PGM2L1: variants seen among roughly 807,000 people sequenced by gnomAD.
The protein encoded by PGM2L1 is glucose 1,6-bisphosphate synthase.
In PGM2L1, 35 loss-of-function variants were observed where a neutral mutation model predicts 73.4. That is an observed-to-expected ratio of 0.48 (90% confidence interval 0.36 to 0.63). The LOEUF (loss-of-function observed/expected upper bound fraction) is 0.63. Among genes scored for constraint, PGM2L1 ranks in the 30% least tolerant of loss-of-function variants. PGM2L1 has a pLI of 0.00. For synonymous variants in PGM2L1, 225 were observed against 253.8 expected (o/e 0.89, Z 1.08); for missense variants, 570 against 742.0 (o/e 0.77, Z 2.69).
chr11:74,382,936 G>A (rs535621141), intron 1 of PGM2L1, among the ~76,000 whole-genome samples: 25 of 152,308 alleles, frequency 1.6e-4, no homozygotes, highest in African/African-American at 4.6e-4. Context: ...AGGTGCAGCC[G>A]TCTTTAAAAA....
chr11:74,363,308 C>T (rs1234327947), intron 5 of PGM2L1, among the ~76,000 whole-genome samples: 5 of 151,568 alleles, frequency 3.3e-5, no homozygotes, highest in Admixed American at 6.6e-5. Context: ...AAATTGACAC[C>T]CTAACATCAC....
At chr11:74,387,083 A>C (rs1863028270) in intron 1 of PGM2L1, among the ~76,000 whole-genome samples, 1 of 152,208 alleles carries the variant, frequency 6.6e-6, no homozygotes, top group Non-Finnish European at 1.5e-5. Context: ...TGATTTTCTC[A>C]CAAAGCAAAC....
chr11:74,380,912 G>C (rs755351058), intron 1 of PGM2L1, among the ~76,000 whole-genome samples: 1 of 152,136 alleles, frequency 6.6e-6, no homozygotes, highest in Non-Finnish European at 1.5e-5. Context: ...ACCACTGCAG[G>C]AGAGAAAGAT....
chr11:74,369,004 TA>T (rs760978003), intron 4 of PGM2L1, among the ~76,000 whole-genome samples: 1 of 152,162 alleles, frequency 6.6e-6, no homozygotes, highest in African/African-American at 2.4e-5. Context: ...ATGCTTTTGT[TA>T]AAATAGCTCC....
intron 12 of PGM2L1, among the ~76,000 whole-genome samples, chr11:74,339,697 G>A (rs1369366872): frequency 1.3e-5 from 2 of 152,102 alleles, no homozygotes; most frequent in Non-Finnish European, 2.9e-5. Flanking sequence ...TTCCTGCCTG[G>A]AAGTTTGCCC....
chr11:74,396,252 G>A (rs1334237008), intron 1 of PGM2L1, among the ~76,000 whole-genome samples: 8 of 117,162 alleles, frequency 6.8e-5, no homozygotes, highest in African/African-American at 2.5e-4. Flanking sequence ...TGGACAACAC[G>A]GTGAGACCCT....
Position 74,342,581 on chromosome 11 carries a change from A to T in PGM2L1, c.1512T>A (p.Phe504Leu), listed in dbSNP as rs778487431. 6.2e-7 allele frequency: 1 copy of T among 1,606,650 alleles called. No homozygotes were observed. Among genetic ancestry groups the T allele is most frequent in the African/African-American group, 1.3e-5 (1 of 74,646 alleles). ...GAGAATCAAAATTACGAAGCCTTTC[A>T]AATATACTTTTGATGGTAGGTGGTT... ...CYEPPTIKSI[F>L]ERLRNFDSPK... Residue 504 changes from phenylalanine (F) to leucine (L), a missense_variant, in exon 12 of 14, where the codon TTT becomes TTA. Coordinates refer to ENST00000298198, the MANE Select transcript of PGM2L1 (RefSeq NM_173582.6).
intron 8 of PGM2L1, 48 bp downstream of exon 8, chr11:74,346,684 T>C (rs1436278002): frequency 7.0e-7 from 1 of 1,432,748 alleles, no homozygotes; most frequent in Admixed American, 1.7e-5. Flanking sequence ...TTAAAATACA[T>C]TGCTTTTCAA....
chr11:74,344,846 A>C (rs637921), intron 9 of PGM2L1, among the ~76,000 whole-genome samples: 90,583 of 151,942 alleles, frequency 0.6, 27,703 homozygotes, highest in East Asian at 0.8. Context: ...TTTACTCAGT[A>C]AATTAGTGTT....
At chr11:74,353,908 C>G (rs11605056) in intron 5 of PGM2L1, among the ~76,000 whole-genome samples, 182 of 151,234 alleles carry the variant, frequency 1.2e-3, no homozygotes, top group Non-Finnish European at 2.1e-3. Flanking sequence ...ATGTTTAAAA[C>G]AAACAAAACT....
At chr11:74,369,731 C>G (rs1031735830) in intron 4 of PGM2L1, among the ~76,000 whole-genome samples, 1 of 152,126 alleles carries the variant, frequency 6.6e-6, no homozygotes, top group African/African-American at 2.4e-5. Context: ...CTCTGTTTAT[C>G]TCCTGATAAG....
chr11:74,382,652 C>T (rs896400400), intron 1 of PGM2L1, among the ~76,000 whole-genome samples: 37 of 152,242 alleles, frequency 2.4e-4, no homozygotes, highest in African/African-American at 8.2e-4. Context: ...GCATACACCA[C>T]TGTGCCTGGC....
intron 5 of PGM2L1, chr11:74,355,431 G>A (rs1255202548): frequency 4.6e-6 from 2 of 438,478 alleles, no homozygotes; most frequent in Non-Finnish European, 8.5e-6. Context: ...GCGGTCGCCT[G>A]TAGTCCCAGC....
chr11:74,373,295 TA>T (rs1364620217), intron 2 of PGM2L1, among the ~76,000 whole-genome samples: 7 of 152,234 alleles, frequency 4.6e-5, no homozygotes, highest in Non-Finnish European at 1.0e-4. Context: ...GGTTGAGGAA[TA>T]GGGGGAGGTG....
chr11:74,392,510 C>T (rs1863117118), intron 1 of PGM2L1, among the ~76,000 whole-genome samples: 2 of 151,402 alleles, frequency 1.3e-5, no homozygotes, highest in African/African-American at 4.8e-5. Context: ...CATAATATTA[C>T]ATCCTACTCC....
intron 5 of PGM2L1, chr11:74,354,825 T>C: frequency 2.2e-6 from 2 of 917,428 alleles, no homozygotes; most frequent in Non-Finnish European, 3.6e-6. Context: ...TTGAACAGTA[T>C]GGGAAAAAAA....
At chr11:74,337,568 T>C (rs1168651173) in intron 13 of PGM2L1, among the ~76,000 whole-genome samples, 1 of 152,206 alleles carries the variant, frequency 6.6e-6, no homozygotes, top group African/African-American at 2.4e-5. Flanking sequence ...TAGGAGACAG[T>C]ACTTTTAATA....
At chr11:74,337,263 G>A (rs1393943672) in intron 13 of PGM2L1, among the ~76,000 whole-genome samples, 1 of 152,212 alleles carries the variant, frequency 6.6e-6, no homozygotes, top group Non-Finnish European at 1.5e-5. Context: ...AACATTTCGA[G>A]GCAAGCCTCT....
In PGM2L1 at chr11:74,357,498, A is replaced by G. The variant is rs139944136; in HGVS notation, c.556-5922T>C. On this transcript the variant is annotated intron_variant, in intron 5 of 13. Transcript: ENST00000298198. ...GAGATACTACTGCACACCTATTAGA[A>G]TGGCCAAAATCCAGAACACTGACAA... Among the ~76,000 whole-genome samples, 393 of 152,346 alleles carry G rather than the reference A, an allele frequency of 2.6e-3. 4 individuals carry two copies. The East Asian group carries it at 0.036, about 14-fold the overall frequency.
Sources: allele counts gnomAD v4.1 joint callset (sites outside exome capture counted in the v4.1 genomes callset), GRCh38; gene constraint gnomAD v4.1.1; transcripts MANE v1.5; gene names NCBI Gene and HGNC (gene_info 2026-07-23, HGNC 2026-07-21).